Variants in DIAPH2 observed in about 807,000 individuals in gnomAD.
The protein encoded by DIAPH2 is protein diaphanous homolog 2.
In DIAPH2, 35 loss-of-function variants were observed where a neutral mutation model predicts 92.7. The ratio of observed to expected loss-of-function variants is 0.38; its 90% confidence interval spans 0.29 to 0.50. The LOEUF (loss-of-function observed/expected upper bound fraction) is 0.50. Ranked by LOEUF, DIAPH2 falls within the 20% of genes least tolerant of loss-of-function variation. The probability of loss-of-function intolerance (pLI) is 0.94; values close to 1 mark genes in which losing one functional copy is unlikely to be tolerated. For missense variants in DIAPH2, 701 were observed against 819.5 expected (o/e 0.86, Z 1.77); for synonymous variants, 301 against 280.4 (o/e 1.07, Z -0.73).
chrX:96,863,919 C>T (rs985985750), intron 4 of DIAPH2, among the ~76,000 whole-genome samples: 5 of 110,148 alleles, frequency 4.5e-5, no homozygotes, highest in Non-Finnish European at 9.5e-5. Context: ...AAAAATTAGC[C>T]GAGCATGGTG....
chrX:96,939,484 G>GTGTGTGTATATATATATA (rs745521574), intron 12 of DIAPH2, 102 bp downstream of exon 12: 1,840 of 145,162 alleles, frequency 0.013, 70 homozygotes, highest in African/African-American at 0.064. Flanking sequence ...ATATGTGTGT[G>GTGTGTGTATATATATATA]TATGTATATA....
At chrX:97,339,037 C>T (rs1602519670) in intron 23 of DIAPH2, among the ~76,000 whole-genome samples, 2 of 111,547 alleles carry the variant, frequency 1.8e-5, no homozygotes, top group Admixed American at 1.9e-4. Flanking sequence ...GGAGGAATTA[C>T]AACTATCTCA....
At chrX:96,790,875 G>A (rs180964824) in intron 4 of DIAPH2, among the ~76,000 whole-genome samples, 15 of 111,641 alleles carry the variant, frequency 1.3e-4, no homozygotes, top group Admixed American at 6.7e-4. Context: ...GTATGATTGC[G>A]CAGAATAGAA....
At chrX:96,836,053 G>A (rs748853540) in intron 4 of DIAPH2, among the ~76,000 whole-genome samples, 47 of 110,532 alleles carry the variant, frequency 4.3e-4, no homozygotes, top group Middle Eastern at 9.2e-3. Flanking sequence ...GGGCTCAAGT[G>A]ATCTGCCTGC....
chrX:97,258,592 A>C (rs2068258888), intron 23 of DIAPH2, among the ~76,000 whole-genome samples: 2 of 105,280 alleles, frequency 1.9e-5, no homozygotes, highest in African/African-American at 7.0e-5. Context: ...AATAAGAGCC[A>C]GTCACGGTGG....
intron 17 of DIAPH2, among the ~76,000 whole-genome samples, chrX:97,031,364 T>C (rs1326045389): frequency 9.3e-6 from 1 of 107,025 alleles, no homozygotes; most frequent in Non-Finnish European, 1.9e-5. Flanking sequence ...GGGGGGGACA[T>C]CCTAAACTGT....
At chrX:96,959,977 T>C (rs1435289060) in intron 16 of DIAPH2, among the ~76,000 whole-genome samples, 1 of 111,539 alleles carries the variant, frequency 9.0e-6, no homozygotes, top group East Asian at 2.8e-4. Flanking sequence ...TTGGTGTATA[T>C]ATCTCTTTTT....
At chrX:96,719,039 G>C (rs1167054842) in intron 1 of DIAPH2, among the ~76,000 whole-genome samples, 2 of 111,866 alleles carry the variant, frequency 1.8e-5, no homozygotes, top group Non-Finnish European at 3.8e-5. Context: ...ATGATGTTAA[G>C]CACCTTTTCA....
chrX:96,787,686 C>CTTTTTT (rs56998803), intron 4 of DIAPH2, among the ~76,000 whole-genome samples: 8 of 54,732 alleles, frequency 1.5e-4, no homozygotes, highest in Admixed American at 2.7e-4. Context: ...ACTCTTTTCT[C>CTTTTTT]TTTTTTTTTT....
At chrX:96,939,554 G>GTATA (rs368489466) in intron 12 of DIAPH2, among the ~76,000 whole-genome samples, 172 bp downstream of exon 12, 108 of 51,098 alleles carry the variant, frequency 2.1e-3, no homozygotes, top group African/African-American at 6.2e-3. Flanking sequence ...ATGTATATAT[G>GTATA]TATATATATA....
chrX:97,507,141 C>CA (rs397896097), intron 26 of DIAPH2, among the ~76,000 whole-genome samples: 367 of 31,108 alleles, frequency 0.012, 4 homozygotes, highest in South Asian at 0.033. Flanking sequence ...ACAAAACCGA[C>CA]AAAAAAAAAA....
intron 22 of DIAPH2, among the ~76,000 whole-genome samples, chrX:97,142,720 G>A (rs1332973396): frequency 8.9e-6 from 1 of 112,054 alleles, no homozygotes; most frequent in South Asian, 3.7e-4. Context: ...GTGAGATTAT[G>A]TGCGAGAAGA....
chrX:96,880,841 A>G (rs988692027), intron 4 of DIAPH2, among the ~76,000 whole-genome samples: 4 of 111,597 alleles, frequency 3.6e-5, no homozygotes, highest in Non-Finnish European at 7.5e-5. Flanking sequence ...TGAACTACTT[A>G]TATAGTTATA....
At chrX:97,553,344 G>A (rs1378547273) in intron 26 of DIAPH2, among the ~76,000 whole-genome samples, 1 of 111,600 alleles carries the variant, frequency 9.0e-6, no homozygotes, top group Non-Finnish European at 1.9e-5. Context: ...AGAATTGGAT[G>A]TTGTTCACAT....
At chrX:96,690,021 A>G (rs1030168569) in intron 1 of DIAPH2, among the ~76,000 whole-genome samples, 13 of 108,867 alleles carry the variant, frequency 1.2e-4, no homozygotes, top group Non-Finnish European at 2.3e-4. Flanking sequence ...TACTCCATCA[A>G]TTGAACCTAT....
rs1332337519 is a variant in DIAPH2 at position 97,373,602 on chromosome X, A to AT, written c.3010-10307_3010-10306insT. On this transcript the variant is annotated intron_variant, in intron 24 of 26. Transcript: ENST00000324765. ...ATTCAAGCAGAGACTTAAGGGAGATACTTTTTTTTTTTTTTTTTTTTTGAG... is the reference window on the plus strand; with the variant it reads ...ATTCAAGCAGAGACTTAAGGGAGATATCTTTTTTTTTTTTTTTTTTTTTGAG... Among the ~76,000 whole-genome samples, 7 of 76,211 alleles carry AT rather than the reference A, an allele frequency of 9.2e-5. No individual in the cohort carries two copies. The Admixed American group carries it at 1.2e-3, about 13-fold the overall frequency. The allele number at this position is 76,211 out of a possible 115,157, so 66.2% of individuals were successfully genotyped here. A position where few individuals can be genotyped will look rare whatever the true frequency, so the allele number is the denominator to read the frequency against.
At chrX:97,095,098 C>CTTTTTCT (rs2066856450) in intron 19 of DIAPH2, among the ~76,000 whole-genome samples, 1 of 22,408 alleles carries the variant, frequency 4.5e-5, no homozygotes, top group Non-Finnish European at 9.0e-5. Flanking sequence ...GTTTCTTTTT[C>CTTTTTCT]TTTTTTTTTT....
intron 17 of DIAPH2, among the ~76,000 whole-genome samples, chrX:97,010,312 A>G (rs1376793475): frequency 3.0e-5 from 3 of 98,909 alleles, no homozygotes; most frequent in Non-Finnish European, 6.1e-5. Context: ...GGCCACTGCC[A>G]GGAGGTGTAT....
At chrX:97,381,385 G>A (rs1327354031) in intron 24 of DIAPH2, among the ~76,000 whole-genome samples, 2 of 111,377 alleles carry the variant, frequency 1.8e-5, no homozygotes, top group Admixed American at 9.6e-5. Flanking sequence ...CTTGGGAATC[G>A]GACTGCCAGG....
Sources: gnomAD v4.1 joint callset for allele counts (sites outside exome capture counted in the v4.1 genomes callset) on GRCh38, gnomAD v4.1.1 for gene constraint, MANE v1.5 for transcripts, NCBI Gene and HGNC (gene_info 2026-07-23, HGNC 2026-07-21) for gene names.